Variants in PRKG1 observed in about 807,000 individuals in gnomAD.
PRKG1 encodes protein kinase cGMP-dependent 1, also known as cGMP-dependent protein kinase 1.
A neutral mutation model predicts 88.1 loss-of-function variants in PRKG1; 35 were observed. That is an observed-to-expected ratio of 0.40 (90% CI 0.30 to 0.53). The LOEUF is 0.53. Among genes scored for constraint, PRKG1 ranks in the 20% least tolerant of loss-of-function variants. The probability of loss-of-function intolerance (pLI) is 0.59; values close to 1 mark genes in which losing one functional copy is unlikely to be tolerated. For synonymous variants in PRKG1, 303 were observed against 292.5 expected (o/e 1.04, Z -0.37); for missense variants, 540 against 839.8 (o/e 0.64, Z 4.41).
intron 9 of PRKG1, among the ~76,000 whole-genome samples, chr10:52,199,095 T>C (rs1206205052): frequency 0.15 from 3 of 20 alleles, no homozygotes; most frequent in African/African-American, 0.19. Context: ...TTGCTCTTTC[T>C]TTTTTTTTCC....
intron 3 of PRKG1, among the ~76,000 whole-genome samples, chr10:51,619,752 C>A (rs1211524322): frequency 6.6e-6 from 1 of 152,068 alleles, no homozygotes; most frequent in African/African-American, 2.4e-5. Flanking sequence ...AGGTAATTTC[C>A]CATTTATTGT....
intron 8 of PRKG1, among the ~76,000 whole-genome samples, chr10:52,154,851 C>A (rs565895800): frequency 3.3e-5 from 5 of 152,098 alleles, no homozygotes; most frequent in African/African-American, 1.2e-4. Flanking sequence ...TATGCCTTTG[C>A]ATTCTCATAG....
rs145764338 is a variant in PRKG1, at chr10:51,076,548, G to A, written c.311+1647G>A. On this transcript the variant is annotated intron_variant, in intron 1 of 17. Coordinates refer to ENST00000373980, the MANE Select transcript of PRKG1 (RefSeq NM_006258.4). ...CCGCAGGACTTTTGAGTGACACAGA[G>A]CAAACTCTGCTTTTACAAAAAGACC... Among the ~76,000 whole-genome samples the A allele has an allele frequency of 6.2e-3, 939 of 152,268 alleles. 6 individuals carry two copies. The highest frequency in any genetic ancestry group is 0.037 in the Middle Eastern group (11 of 294).
chr10:51,537,314 A>G (rs992953267), intron 3 of PRKG1, among the ~76,000 whole-genome samples: 1 of 152,232 alleles, frequency 6.6e-6, no homozygotes, highest in African/African-American at 2.4e-5. Flanking sequence ...GAGAAAGTGA[A>G]TGCCCAGAAA....
intron 3 of PRKG1, among the ~76,000 whole-genome samples, chr10:51,583,630 A>G (rs187059240): frequency 6.6e-6 from 1 of 152,230 alleles, no homozygotes; most frequent in Admixed American, 6.5e-5. Context: ...TGCAGAGAGT[A>G]TGCCATTTAC....
At chr10:51,749,170 C>G (rs993916198) in intron 3 of PRKG1, among the ~76,000 whole-genome samples, 5 of 152,148 alleles carry the variant, frequency 3.3e-5, no homozygotes, top group Admixed American at 3.3e-4. Context: ...GAGTACTGAA[C>G]TGGGAAATGC....
At chr10:51,665,599 G>T (rs1032166594) in intron 3 of PRKG1, among the ~76,000 whole-genome samples, 32 of 151,840 alleles carry the variant, frequency 2.1e-4, no homozygotes, top group Non-Finnish European at 5.9e-5. Context: ...ACATGTTTAT[G>T]GTCAGGATAT....
chr10:51,551,288 T>G (rs147157899), intron 3 of PRKG1, among the ~76,000 whole-genome samples: 1 of 151,812 alleles, frequency 6.6e-6, no homozygotes, highest in Non-Finnish European at 1.5e-5. Context: ...GAATTCAAAG[T>G]TTTTCTCTGT....
rs187238912 is a variant in PRKG1, at chr10:52,243,961, T to C, written c.1077-7609T>C. Among the ~76,000 whole-genome samples the C allele has an allele frequency of 4.3e-3, 656 of 152,228 alleles. 8 individuals carry two copies. The highest frequency in any genetic ancestry group is 3.9e-3 in the Non-Finnish European group (266 of 67,956). Reference sequence around the variant, plus strand: ...AAAAGTCTATTTCTGAAAACCACAATTTTGGAAATAGCAGGAGCAAACTAA... The same window carrying C: ...AAAAGTCTATTTCTGAAAACCACAACTTTGGAAATAGCAGGAGCAAACTAA... On this transcript the variant is annotated intron_variant, in intron 9 of 17. Transcript: ENST00000373980.
chr10:51,193,387 AAG>A (rs1387368743), intron 2 of PRKG1, among the ~76,000 whole-genome samples: 2 of 152,002 alleles, frequency 1.3e-5, no homozygotes, highest in Non-Finnish European at 2.9e-5. Flanking sequence ...CCTTTTTAAT[AAG>A]CATTGTATCA....
chr10:51,474,817 T>G (rs1840147369), intron 3 of PRKG1, among the ~76,000 whole-genome samples: 1 of 151,980 alleles, frequency 6.6e-6, no homozygotes, highest in Admixed American at 6.6e-5. Flanking sequence ...TTCCTCTGAC[T>G]ACTGAGGAAA....
intron 2 of PRKG1, among the ~76,000 whole-genome samples, chr10:51,218,532 A>ATATATATATATATAT (rs61030217): frequency 4.0e-5 from 2 of 49,400 alleles, no homozygotes; most frequent in African/African-American, 1.1e-4. Flanking sequence ...TATATATATA[A>ATATATATATATATAT]AATGTGTGTA....
chr10:51,432,894 C>A (rs1180242204), intron 2 of PRKG1, among the ~76,000 whole-genome samples: 7 of 152,106 alleles, frequency 4.6e-5, no homozygotes, highest in Non-Finnish European at 8.8e-5. Flanking sequence ...GGGAGCATGA[C>A]CACTCTTTCT....
chr10:51,857,570 G>C (rs992762796), intron 4 of PRKG1, among the ~76,000 whole-genome samples: 1 of 152,142 alleles, frequency 6.6e-6, no homozygotes, highest in Non-Finnish European at 1.5e-5. Context: ...TTTTCCTGCT[G>C]AGTGAACAGC....
chr10:51,783,974 C>T (rs1838664090), intron 3 of PRKG1, among the ~76,000 whole-genome samples: 1 of 152,114 alleles, frequency 6.6e-6, no homozygotes, highest in South Asian at 2.1e-4. Context: ...AAAGGGTTGG[C>T]TCTGGGGTTT....
intron 2 of PRKG1, among the ~76,000 whole-genome samples, chr10:51,267,178 A>G (rs530477651): frequency 5.3e-5 from 8 of 152,176 alleles, no homozygotes; most frequent in South Asian, 4.1e-4. Flanking sequence ...GTGTATTTCC[A>G]AAAACAACAT....
At chr10:51,206,817 G>A (rs1589243706) in intron 2 of PRKG1, among the ~76,000 whole-genome samples, 1 of 152,094 alleles carries the variant, frequency 6.6e-6, no homozygotes, top group East Asian at 1.9e-4. Context: ...TTACTAATTG[G>A]GACAGGGAGG....
intron 5 of PRKG1, chr10:51,909,976 G>T (rs1842180636): frequency 6.6e-6 from 1 of 152,274 alleles, no homozygotes; most frequent in Non-Finnish European, 1.5e-5. Context: ...CTAGAAACAG[G>T]GAAGGTAGAC....
intron 2 of PRKG1, among the ~76,000 whole-genome samples, chr10:51,239,407 G>T (rs1839092042): frequency 6.6e-6 from 1 of 152,192 alleles, no homozygotes; most frequent in Non-Finnish European, 1.5e-5. Flanking sequence ...TCAAACTGGG[G>T]CTTCCCAGAT....
Sources: allele counts gnomAD v4.1 joint callset (sites outside exome capture counted in the v4.1 genomes callset), GRCh38; gene constraint gnomAD v4.1.1; transcripts MANE v1.5; gene names NCBI Gene and HGNC (gene_info 2026-07-23, HGNC 2026-07-21).